ARMH4: variants seen among roughly 807,000 people sequenced by gnomAD.
ARMH4 encodes the protein armadillo like helical domain containing 4, also known as armadillo-like helical domain-containing protein 4.
ARMH4 carries 49 observed loss-of-function variants against 61.9 expected under a neutral mutation model. The ratio of observed to expected loss-of-function variants is 0.79; its 90% CI spans 0.63 to 1.00. ARMH4 has a LOEUF of 1.00. Ranked by LOEUF, ARMH4 falls within the 50% of genes least tolerant of loss-of-function variation. The pLI, the probability that ARMH4 is intolerant of heterozygous loss-of-function variation, is 0.00. For synonymous variants in ARMH4, 368 were observed against 341.5 expected (o/e 1.08, Z -0.85); for missense variants, 934 against 930.0 (o/e 1.00, Z -0.06).
intron 5 of ARMH4, among the ~76,000 whole-genome samples, chr14:58,054,129 C>A (rs1336551174): frequency 6.6e-6 from 1 of 152,094 alleles, no homozygotes; most frequent in Non-Finnish European, 1.5e-5. Flanking sequence ...AGTGGTGGGG[C>A]CAAAAATCAA....
intron 5 of ARMH4, among the ~76,000 whole-genome samples, chr14:58,032,306 G>C (rs894657367): frequency 6.6e-6 from 1 of 152,048 alleles, no homozygotes; most frequent in Non-Finnish European, 1.5e-5. Flanking sequence ...GAGAACTGAG[G>C]CTGTTGTTCT....
chr14:58,059,349 G>A (rs946226101), intron 5 of ARMH4, among the ~76,000 whole-genome samples: 1 of 152,196 alleles, frequency 6.6e-6, no homozygotes, highest in Admixed American at 6.5e-5. Flanking sequence ...CCAGATTCAA[G>A]GCCACTCTGC....
rs11352260 is a variant in ARMH4, at chr14:58,069,006, G to GA, written c.2089+27717dup. On this transcript the variant is annotated intron_variant, in intron 5 of 7. Coordinates refer to ENST00000267485, the MANE Select transcript of ARMH4 (RefSeq NM_001001872.4). ...AGGTGACAGAGTGAGACTCTGTCTC[G>GA]AAAAAAAAAAAAAAAAGAGAGACAG... is the stretch of plus-strand genomic sequence containing the variant. 2.1e-3 allele frequency among the ~76,000 whole-genome samples: 247 copies of GA among 118,944 alleles called. 2 individuals are homozygous for GA. The highest frequency in any genetic ancestry group is 6.5e-3 in the African/African-American group (194 of 29,796). 78.0% of individuals were successfully genotyped at this position (118,944 alleles called of 152,430 possible).
At chr14:58,031,957 G>A (rs994994617) in intron 5 of ARMH4, among the ~76,000 whole-genome samples, 7 of 152,120 alleles carry the variant, frequency 4.6e-5, no homozygotes, top group Admixed American at 4.6e-4. Flanking sequence ...CTGCCCTCAG[G>A]AAAAAGTCTG....
At chr14:58,073,574 G>A (rs1375964675) in intron 5 of ARMH4, among the ~76,000 whole-genome samples, 1 of 152,172 alleles carries the variant, frequency 6.6e-6, no homozygotes, top group Non-Finnish European at 1.5e-5. Flanking sequence ...TAATCAGAAA[G>A]GATGGGTTTA....
At chr14:58,074,056 A>T (rs147843331) in intron 5 of ARMH4, among the ~76,000 whole-genome samples, 1 of 152,372 alleles carries the variant, frequency 6.6e-6, no homozygotes, top group East Asian at 1.9e-4. Flanking sequence ...CACATTTAAA[A>T]GGCTAAGTAC....
chr14:58,133,405 T>C, intron 2 of ARMH4, 64 bp from the exon 3 acceptor site: 1 of 1,398,800 alleles, frequency 7.1e-7, no homozygotes, highest in Non-Finnish European at 9.7e-7. Context: ...AAAAAAATCA[T>C]GATATGATTA....
At chr14:58,072,566 A>C (rs1021884599) in intron 5 of ARMH4, among the ~76,000 whole-genome samples, 1 of 151,858 alleles carries the variant, frequency 6.6e-6, no homozygotes, top group African/African-American at 2.4e-5. Context: ...TAACAACACA[A>C]AAAAAATTAG....
intron 5 of ARMH4, among the ~76,000 whole-genome samples, chr14:58,027,302 T>A (rs1189292009): frequency 6.6e-6 from 1 of 151,938 alleles, no homozygotes; most frequent in African/African-American, 2.4e-5. Flanking sequence ...GTAGATCTTT[T>A]TCTTTAAGTT....
intron 2 of ARMH4, among the ~76,000 whole-genome samples, chr14:58,135,723 T>A (rs529176548): frequency 6.6e-6 from 1 of 152,240 alleles, no homozygotes; most frequent in African/African-American, 2.4e-5. Context: ...CATCTCAACA[T>A]ACCCATCTGT....
intron 4 of ARMH4, among the ~76,000 whole-genome samples, chr14:58,111,165 A>T (rs1363477279): frequency 6.6e-6 from 1 of 152,192 alleles, no homozygotes; most frequent in African/African-American, 2.4e-5. Flanking sequence ...ATGTCAAGGA[A>T]TGCTTTTGTC....
chr14:58,066,445 G>T (rs1428989523), intron 5 of ARMH4, among the ~76,000 whole-genome samples: 2 of 152,154 alleles, frequency 1.3e-5, no homozygotes, highest in Non-Finnish European at 2.9e-5. Context: ...TAGGTACAGG[G>T]TTTTCTTTTG....
rs903995771 is a variant in ARMH4 at position 58,152,208 on chromosome 14, G to C, written c.-190C>G. ...CTCCCTCCGCTGTCTGGGACGCTAG[G>C]GGGAGGGCGCTTCGCTTTGTTGCTT... On this transcript the variant is annotated 5_prime_UTR_variant, in exon 1 of 8. Coordinates refer to ENST00000267485, the MANE Select transcript of ARMH4 (RefSeq NM_001001872.4). 5 of 154,424 alleles carry C rather than the reference G, an allele frequency of 3.2e-5. No homozygotes were observed. Among genetic ancestry groups the C allele is most frequent in the South Asian group, 1.8e-4 (1 of 5,696 alleles). 9.6% of individuals were successfully genotyped at this position (154,424 alleles called of 1,614,324 possible). A position where few individuals can be genotyped will look rare whatever the true frequency, so the allele number is the denominator to read the frequency against.
At chr14:58,088,549 A>G (rs1885454935) in intron 5 of ARMH4, among the ~76,000 whole-genome samples, 1 of 151,900 alleles carries the variant, frequency 6.6e-6, no homozygotes, top group Admixed American at 6.6e-5. Context: ...GAATGGCATT[A>G]CTCTCTAATT....
chr14:58,143,716 A>G (rs1029612603), intron 1 of ARMH4, among the ~76,000 whole-genome samples: 6 of 149,870 alleles, frequency 4.0e-5, no homozygotes, highest in African/African-American at 1.5e-4. Flanking sequence ...CACCCACCTC[A>G]ACCTCCCAGA....
chr14:58,003,974 T>A lies in ARMH4; in HGVS notation c.*762A>T, dbSNP rs991167228. On this transcript the variant is annotated 3_prime_UTR_variant, in exon 8 of 8. Coordinates refer to ENST00000267485, the MANE Select transcript of ARMH4 (RefSeq NM_001001872.4). ...AATCAACTAGCACACAAAAAGAATA[T>A]CTCTTAATCATAAACATGTATGACA... is the stretch of plus-strand genomic sequence containing the variant. 4.6e-5 allele frequency: 7 copies of A among 152,302 alleles called. No individual in the cohort carries two copies. The highest frequency in any genetic ancestry group is 1.4e-4 in the African/African-American group (6 of 41,564). The allele number at this position is 152,302 out of a possible 1,614,324, so 9.4% of individuals were successfully genotyped here. A position where few individuals can be genotyped will look rare whatever the true frequency, so the allele number is the denominator to read the frequency against.
intron 6 of ARMH4, among the ~76,000 whole-genome samples, chr14:58,010,295 TCCAGCATGTATCAGGATCA>T: frequency 6.6e-6 from 1 of 152,258 alleles, no homozygotes; most frequent in South Asian, 2.1e-4. Context: ...CTTCTCAAAC[TCCAGCATGTATCAGGATCA>T]CCTGTAAGAC....
chr14:58,013,704 C>T (rs1390790195), intron 5 of ARMH4, among the ~76,000 whole-genome samples: 1 of 152,012 alleles, frequency 6.6e-6, no homozygotes, highest in African/African-American at 2.4e-5. Context: ...AACTGGGGCT[C>T]AAGGGAAGCT....
intron 1 of ARMH4, among the ~76,000 whole-genome samples, chr14:58,142,005 T>C (rs938575823): frequency 2.0e-5 from 3 of 152,190 alleles, no homozygotes; most frequent in Non-Finnish European, 2.9e-5. Flanking sequence ...CACATTCTCA[T>C]TACAACTAAA....
Sources: allele counts gnomAD v4.1 joint callset (sites outside exome capture counted in the v4.1 genomes callset), GRCh38; gene constraint gnomAD v4.1.1; transcripts MANE v1.5; gene names NCBI Gene and HGNC (gene_info 2026-07-23, HGNC 2026-07-21).